The following SPIDR variants were observed in gnomAD, a reference collection of about 807,000 sequenced individuals.
The protein encoded by SPIDR is DNA repair-scaffolding protein.
A neutral mutation model predicts 104.6 loss-of-function variants in SPIDR; 93 were observed. The ratio of observed to expected loss-of-function variants is 0.89; its 90% CI spans 0.75 to 1.06. SPIDR has a LOEUF of 1.06. Among genes scored for constraint, SPIDR ranks in the 50% least tolerant of loss-of-function variants. SPIDR has a pLI of 0.00. For synonymous variants in SPIDR, 431 were observed against 416.9 expected (o/e 1.03, Z -0.41); for missense variants, 1,154 against 1,111.2 (o/e 1.04, Z -0.55).
intron 7 of SPIDR, among the ~76,000 whole-genome samples, chr8:47,436,952 G>A (rs1365548751): frequency 6.6e-6 from 1 of 152,154 alleles, no homozygotes; most frequent in Admixed American, 6.5e-5. Context: ...TGCTTCCAAG[G>A]CCTATTTAGT....
Position 47,599,301 on chromosome 8 carries a change from C to T in SPIDR, c.1544+105C>T, listed in dbSNP as rs984712154. On this transcript the variant is annotated intron_variant, in intron 10 of 19. Transcript: ENST00000297423. ...AGAGCACGTTCTTAGCTGCATTCAC[C>T]ATATACGTGAGCTGTTTTTGTTTTT... is the stretch of plus-strand genomic sequence containing the variant. 54 of 1,429,978 alleles carry T rather than the reference C, an allele frequency of 3.8e-5. No individual in the cohort carries two copies. In the African/African-American group the frequency reaches 7.1e-4, roughly 19 times the overall value. 88.6% of individuals were successfully genotyped at this position (1,429,978 alleles called of 1,614,324 possible). A position where few individuals can be genotyped will look rare whatever the true frequency, so the allele number is the denominator to read the frequency against.
chr8:47,478,690 C>G (rs959488908), intron 8 of SPIDR, among the ~76,000 whole-genome samples: 2 of 152,156 alleles, frequency 1.3e-5, no homozygotes, highest in East Asian at 3.8e-4. Context: ...TCTCAGTGTT[C>G]ACAGATACTC....
chr8:47,345,002 A>G (rs1554616708), intron 5 of SPIDR, among the ~76,000 whole-genome samples: 1 of 152,110 alleles, frequency 6.6e-6, no homozygotes, highest in African/African-American at 2.4e-5. Context: ...TTTTGTTGCC[A>G]TTGCTTTTGG....
At chr8:47,423,690 A>G (rs1161941188) in intron 7 of SPIDR, among the ~76,000 whole-genome samples, 8 of 152,206 alleles carry the variant, frequency 5.3e-5, no homozygotes, top group African/African-American at 1.7e-4. Flanking sequence ...GTTTGATGAA[A>G]TGGCATGGGG....
At chr8:47,303,394 G>A (rs1316610503) in intron 5 of SPIDR, among the ~76,000 whole-genome samples, 3 of 152,156 alleles carry the variant, frequency 2.0e-5, no homozygotes, top group Non-Finnish European at 2.9e-5. Context: ...TGCACTTCCC[G>A]GGTGAGGTGA....
At chr8:47,620,520 A>C (rs1269856060) in intron 10 of SPIDR, among the ~76,000 whole-genome samples, 1 of 149,990 alleles carries the variant, frequency 6.7e-6, no homozygotes, top group Non-Finnish European at 1.5e-5. Flanking sequence ...CACCCGCCTC[A>C]GCCTCCCAAA....
At chr8:47,511,383 A>G (rs1184086750) in intron 8 of SPIDR, 1 of 934,064 alleles carries the variant, frequency 1.1e-6, no homozygotes, top group Non-Finnish European at 1.8e-6. Context: ...GACCCTCGCC[A>G]GTGAAGGCTT....
chr8:47,370,317 GAGC>G (rs1288551443), intron 5 of SPIDR, among the ~76,000 whole-genome samples: 1 of 151,958 alleles, frequency 6.6e-6, no homozygotes, highest in African/African-American at 2.4e-5. Flanking sequence ...TATTCATATA[GAGC>G]AGTTGTCTCT....
At chr8:47,677,133 C>G (rs987549139) in intron 11 of SPIDR, among the ~76,000 whole-genome samples, 1 of 152,200 alleles carries the variant, frequency 6.6e-6, no homozygotes, top group African/African-American at 2.4e-5. Flanking sequence ...CCTGCTATTC[C>G]TCAATGACTC....
chr8:47,480,647 A>T (rs1368282692), intron 8 of SPIDR, among the ~76,000 whole-genome samples: 1 of 152,186 alleles, frequency 6.6e-6, no homozygotes, highest in East Asian at 1.9e-4. Flanking sequence ...GCTCTCAGGG[A>T]TCGGCGCACA....
In SPIDR at chr8:47,554,386, G is replaced by T. The variant is rs553716787; in HGVS notation, c.1098-41425G>T. On this transcript the variant is annotated intron_variant, in intron 8 of 19. Transcript: ENST00000297423. ...ATAAGCAGGCAGGCCTCCTTGAGCTGTGATAGGCTCCACCCAGTTTGAACT... is the reference window on the plus strand; with the variant it reads ...ATAAGCAGGCAGGCCTCCTTGAGCTTTGATAGGCTCCACCCAGTTTGAACT... Among the ~76,000 whole-genome samples the T allele has an allele frequency of 4.6e-5, 7 of 152,360 alleles. No homozygotes were observed. The South Asian group carries it at 1.2e-3, about 27-fold the overall frequency.
chr8:47,700,333 A>C (rs962519412), intron 11 of SPIDR, 70 bp from the exon 12 acceptor site: 1 of 1,490,746 alleles, frequency 6.7e-7, no homozygotes, highest in African/African-American at 1.4e-5. Flanking sequence ...TAAGCATTCT[A>C]CCAGCTCACT....
At chr8:47,379,317 C>T (rs987163003) in intron 5 of SPIDR, among the ~76,000 whole-genome samples, 4 of 152,084 alleles carry the variant, frequency 2.6e-5, no homozygotes, top group East Asian at 1.9e-4. Context: ...TAGGAGTGGG[C>T]GGATGGCTTG....
intron 6 of SPIDR, among the ~76,000 whole-genome samples, chr8:47,407,591 T>A (rs2154322521): frequency 6.6e-6 from 1 of 152,318 alleles, no homozygotes; most frequent in East Asian, 1.9e-4. Context: ...GGTAAGCTGA[T>A]ATTTAGCTGT....
intron 14 of SPIDR, among the ~76,000 whole-genome samples, chr8:47,705,264 C>A (rs962679959): frequency 6.6e-6 from 1 of 152,168 alleles, no homozygotes; most frequent in Non-Finnish European, 1.5e-5. Flanking sequence ...TAATGTTAAT[C>A]CCCTCCTATC....
chr8:47,510,895 C>A, intron 8 of SPIDR: 1 of 486,590 alleles, frequency 2.1e-6, no homozygotes, highest in South Asian at 3.9e-5. Flanking sequence ...CAACCAACAC[C>A]TAAGAACCTA....
chr8:47,470,506 A>T (rs2075539462), intron 8 of SPIDR, among the ~76,000 whole-genome samples: 1 of 150,872 alleles, frequency 6.6e-6, no homozygotes, highest in Admixed American at 6.6e-5. Context: ...CCAGGCTCGA[A>T]CTCCTAACCT....
At chr8:47,364,894 G>C (rs2056890502) in intron 5 of SPIDR, among the ~76,000 whole-genome samples, 1 of 152,178 alleles carries the variant, frequency 6.6e-6, no homozygotes, top group South Asian at 2.1e-4. Context: ...GGTAGCAGAT[G>C]GATGGGCCTT....
chr8:47,539,619 G>A (rs1029025635), intron 8 of SPIDR, among the ~76,000 whole-genome samples: 11 of 151,890 alleles, frequency 7.2e-5, no homozygotes, highest in Non-Finnish European at 1.6e-4. Context: ...TTATTCTGGT[G>A]TTTTTCTAAT....
Sources: allele counts gnomAD v4.1 joint callset (sites outside exome capture counted in the v4.1 genomes callset), GRCh38; gene constraint gnomAD v4.1.1; transcripts MANE v1.5; gene names NCBI Gene and HGNC (gene_info 2026-07-23, HGNC 2026-07-21).